LRFN5: variants seen among roughly 807,000 people sequenced by gnomAD.
LRFN5 encodes the protein leucine-rich repeat and fibronectin type-III domain-containing protein 5.
A neutral mutation model predicts 45.6 loss-of-function variants in LRFN5; 24 were observed. That is an observed-to-expected ratio of 0.53 (90% CI 0.38 to 0.74). The LOEUF is 0.74. LRFN5 is among the 30% of genes least tolerant of loss of function. The probability of loss-of-function intolerance (pLI) is 0.00; values close to 1 mark genes in which losing one functional copy is unlikely to be tolerated. For missense variants in LRFN5, 776 were observed against 861.5 expected (o/e 0.90, Z 1.24); for synonymous variants, 340 against 313.8 (o/e 1.08, Z -0.88).
At chr14:41,755,933 C>G (rs938812443) in intron 1 of LRFN5, among the ~76,000 whole-genome samples, 1 of 152,148 alleles carries the variant, frequency 6.6e-6, no homozygotes, top group Non-Finnish European at 1.5e-5. Context: ...CTAGTGCTTT[C>G]TTCAGGAGCC....
At chr14:41,851,000 A>G (rs1337923081) in intron 2 of LRFN5, among the ~76,000 whole-genome samples, 1 of 151,806 alleles carries the variant, frequency 6.6e-6, no homozygotes, top group Non-Finnish European at 1.5e-5. Context: ...AGGGTTAGTA[A>G]TAACGAATAA....
chr14:41,740,597 T>C (rs1884649514), intron 1 of LRFN5, among the ~76,000 whole-genome samples: 1 of 151,988 alleles, frequency 6.6e-6, no homozygotes. Context: ...GTTAATATCA[T>C]ATTAAACAGT....
At chr14:41,832,201 G>C (rs1247652001) in intron 2 of LRFN5, among the ~76,000 whole-genome samples, 1 of 152,068 alleles carries the variant, frequency 6.6e-6, no homozygotes, top group African/African-American at 2.4e-5. Context: ...CTAGTGTGGT[G>C]ACCCAGAACA....
At chr14:41,624,904 ATT>A (rs558776352) in intron 1 of LRFN5, among the ~76,000 whole-genome samples, 1 of 147,414 alleles carries the variant, frequency 6.8e-6, no homozygotes, top group African/African-American at 2.5e-5. Flanking sequence ...CTGCTTCTTA[ATT>A]TTTTTTTTTC....
In LRFN5 at chr14:41,705,550, A is replaced by G. The variant is rs546087498; in HGVS notation, c.-196-61304A>G. Among the ~76,000 whole-genome samples, 5 of 152,302 alleles carry G rather than the reference A, an allele frequency of 3.3e-5. No homozygotes were observed. The South Asian group carries it at 1.0e-3, about 32-fold the overall frequency. On this transcript the variant is annotated intron_variant, in intron 1 of 5. Transcript: ENST00000298119. ...ATGCACACAGACAGACATAAAAATG[A>G]TAGGATCATATAAGACATTGTATAG... is the stretch of plus-strand genomic sequence containing the variant.
chr14:41,872,058 A>C (rs1890038561), intron 2 of LRFN5, among the ~76,000 whole-genome samples: 1 of 152,208 alleles, frequency 6.6e-6, no homozygotes, highest in African/African-American at 2.4e-5. Context: ...TACTATCAAG[A>C]AATGCTTCAG....
intron 1 of LRFN5, among the ~76,000 whole-genome samples, chr14:41,748,018 C>G (rs1488093589): frequency 2.0e-5 from 3 of 151,912 alleles, no homozygotes; most frequent in Non-Finnish European, 4.4e-5. Context: ...AATAAGAAGA[C>G]TTGGAGAAGA....
chr14:41,864,978 A>C (rs1889789114), intron 2 of LRFN5, among the ~76,000 whole-genome samples: 1 of 152,070 alleles, frequency 6.6e-6, no homozygotes, highest in Admixed American at 6.6e-5. Flanking sequence ...TTAGGCAGCA[A>C]ACCACATCAC....
intron 1 of LRFN5, chr14:41,742,933 T>G (rs192099513): frequency 6.4e-6 from 1 of 155,448 alleles, no homozygotes; most frequent in East Asian, 1.8e-4. Context: ...AGTGCTATCC[T>G]ATCTTTGACA....
At chr14:41,857,669 A>C (rs372859133) in intron 2 of LRFN5, among the ~76,000 whole-genome samples, 1 of 152,212 alleles carries the variant, frequency 6.6e-6, no homozygotes, top group African/African-American at 2.4e-5. Flanking sequence ...CATAATACAC[A>C]TACTCTGGAC....
At chr14:41,632,457 G>T (rs533728419) in intron 1 of LRFN5, among the ~76,000 whole-genome samples, 1 of 152,202 alleles carries the variant, frequency 6.6e-6, no homozygotes, top group South Asian at 2.1e-4. Flanking sequence ...TACAAAATTA[G>T]CTGGCTGTGG....
At chr14:41,728,014 C>T (rs2138786180) in intron 1 of LRFN5, among the ~76,000 whole-genome samples, 1 of 151,326 alleles carries the variant, frequency 6.6e-6, no homozygotes, top group South Asian at 2.1e-4. Flanking sequence ...GTTTTCATGA[C>T]ACTGCATTAA....
intron 2 of LRFN5, among the ~76,000 whole-genome samples, chr14:41,867,350 A>ATC (rs773431832): frequency 1.3e-4 from 19 of 148,914 alleles, no homozygotes; most frequent in Admixed American, 6.7e-4. Flanking sequence ...ATATGCACAC[A>ATC]TCTGTGTGTG....
chr14:41,858,495 AGT>A (rs1441724806), intron 2 of LRFN5, among the ~76,000 whole-genome samples: 1 of 148,562 alleles, frequency 6.7e-6, no homozygotes, highest in Non-Finnish European at 1.5e-5. Flanking sequence ...GCATTGCTCT[AGT>A]AAGTTTTTTT....
chr14:41,689,894 C>CA (rs10572529), intron 1 of LRFN5, among the ~76,000 whole-genome samples: 6,111 of 80,858 alleles, frequency 0.076, 242 homozygotes, highest in Non-Finnish European at 0.091. Flanking sequence ...GACTCCGTCT[C>CA]AAAAAAAAAA....
intron 1 of LRFN5, chr14:41,733,370 A>T (rs993179357): frequency 1.4e-4 from 21 of 152,254 alleles, no homozygotes; most frequent in African/African-American, 5.1e-4. Context: ...GTAACTTTGG[A>T]GGCCACAAAG....
At chr14:41,640,171 G>A (rs771162250) in intron 1 of LRFN5, among the ~76,000 whole-genome samples, 26 of 151,692 alleles carry the variant, frequency 1.7e-4, no homozygotes, top group East Asian at 1.9e-4. Context: ...AAATATCAGA[G>A]GTGGAAACAT....
At chr14:41,788,948 G>A (rs1269915210) in intron 2 of LRFN5, among the ~76,000 whole-genome samples, 1 of 151,890 alleles carries the variant, frequency 6.6e-6, no homozygotes, top group African/African-American at 2.4e-5. Context: ...ACTTGAAAGG[G>A]TTGAGGAAAA....
rs766205250 is a variant in LRFN5 at position 41,887,680 on chromosome 14, C to G, written c.1055C>G (p.Thr352Arg). Residue 352 changes from threonine to arginine, a missense_variant, in exon 3 of 6, where the codon ACA (threonine) becomes AGA (arginine). By Grantham distance (71) the Thr-to-Arg change is moderately conservative. Around this residue, in one of 2 missense-constraint regions of LRFN5, gnomAD observed 465 missense variants for 456.4 expected, o/e 1.02. Coordinates refer to ENST00000298119, the MANE Select transcript of LRFN5 (RefSeq NM_152447.5). This position sits in a 1 kb window ranked among gnomAD's most constrained non-coding sequence, Gnocchi z 4.8. Reference sequence around the variant, plus strand: ...ATTCTTATCACAACTGTAAAGGATACAGGTGCTTTTACCTGCATTGCTTCC... The same window carrying G: ...ATTCTTATCACAACTGTAAAGGATAGAGGTGCTTTTACCTGCATTGCTTCC... ...LDILITTVKD[T>R]GAFTCIASNP... is the part of the protein sequence containing the mutation. The G allele has an allele frequency of 6.2e-7, 1 of 1,614,056 alleles. No individual in the cohort carries two copies. The highest frequency in any genetic ancestry group is 1.3e-5 in the African/African-American group (1 of 74,924).
Sources: allele counts gnomAD v4.1 joint callset (sites outside exome capture counted in the v4.1 genomes callset), GRCh38; gene constraint gnomAD v4.1.1; regional missense constraint gnomAD v4.1.1; non-coding constraint Gnocchi (gnomAD v3.1); transcripts MANE v1.5; gene names NCBI Gene and HGNC (gene_info 2026-07-23, HGNC 2026-07-21).